ICE1: variants seen among roughly 807,000 people sequenced by gnomAD.
ICE1 encodes the protein interactor of little elongation complex ELL subunit 1.
A neutral mutation model predicts 192.7 loss-of-function variants in ICE1; 64 were observed. The ratio of observed to expected loss-of-function variants is 0.33; its 90% CI spans 0.27 to 0.41. The LOEUF (loss-of-function observed/expected upper bound fraction) is 0.41, where lower values mean the gene tolerates loss of function less well. ICE1 is among the 10% of genes least tolerant of loss of function. The pLI is 1.00. For missense variants in ICE1, 2,708 were observed against 2,696.0 expected, an observed-to-expected ratio of 1.00 and a Z score of -0.10; for synonymous variants, 1,010 against 984.5, an observed-to-expected ratio of 1.03 and a Z score of -0.49.
At chr5:5,466,624 C>CCAAT in intron 14 of ICE1, 122 bp downstream of exon 14, 1 of 854,848 alleles carries the variant, frequency 1.2e-6, no homozygotes, top group Non-Finnish European at 1.8e-6. Flanking sequence ...ATGTTTTGTC[C>CCAAT]ATTGAATAGC....
At chr5:5,431,558 G>GA (rs1737711492) in intron 1 of ICE1, among the ~76,000 whole-genome samples, 1 of 152,178 alleles carries the variant, frequency 6.6e-6, no homozygotes, top group Non-Finnish European at 1.5e-5. Flanking sequence ...TTTTATCTTG[G>GA]AATTACTTGC....
At chr5:5,437,397 A>G in intron 3 of ICE1, 1 of 287,756 alleles carries the variant, frequency 3.5e-6, no homozygotes, top group Non-Finnish European at 6.5e-6. Flanking sequence ...TGTACTGAGG[A>G]TGTGGCATGT....
intron 15 of ICE1, among the ~76,000 whole-genome samples, chr5:5,470,958 A>G (rs962170037): frequency 6.6e-6 from 1 of 152,200 alleles, no homozygotes; most frequent in African/African-American, 2.4e-5. Context: ...TTAGTTGTTT[A>G]GCAGAAAATA....
At chr5:5,457,188 G>A (rs1346564437) in intron 11 of ICE1, 144 bp from the exon 12 acceptor site, 38 of 699,438 alleles carry the variant, frequency 5.4e-5, no homozygotes, top group Non-Finnish European at 7.9e-5. Flanking sequence ...TTTAGAAAGC[G>A]ATTGGTTGCC....
chr5:5,424,693 A>C (rs1192527807), intron 1 of ICE1, among the ~76,000 whole-genome samples: 1 of 152,224 alleles, frequency 6.6e-6, no homozygotes, highest in Non-Finnish European at 1.5e-5. Context: ...GTTGGAATTT[A>C]AGTAGGGAGT....
intron 15 of ICE1, among the ~76,000 whole-genome samples, chr5:5,471,932 G>A (rs774612340): frequency 2.0e-5 from 3 of 151,932 alleles, no homozygotes; most frequent in Non-Finnish European, 2.9e-5. Flanking sequence ...GTGACTTCCT[G>A]GTTTAAATTA....
chr5:5,476,368 G>A (rs188531499), intron 17 of ICE1, among the ~76,000 whole-genome samples: 12 of 152,116 alleles, frequency 7.9e-5, no homozygotes, highest in East Asian at 7.7e-4. Flanking sequence ...TATATAAGTC[G>A]CTATAAATTA....
chr5:5,458,550 CA>C (rs1652311074), intron 12 of ICE1, among the ~76,000 whole-genome samples: 1 of 152,188 alleles, frequency 6.6e-6, no homozygotes, highest in Admixed American at 6.5e-5. Context: ...TCTGAAGATT[CA>C]ATCCCCACAC....
chr5:5,473,644 A>C lies in ICE1; in HGVS notation c.6309A>C (p.Glu2103Asp). ...LCPKTEFQPS[E>D]KFGEDLSDNT... is the part of the protein sequence containing the mutation. ...CAAAAACAGAATTTCAACCTAGTGA[A>C]AAATTTGGTGAAGACCTAAGTGATA... Residue 2103 changes from glutamate to aspartate, a missense_variant, in exon 16 of 19, where the codon GAA becomes GAC. Glu to Asp is a conservative substitution (Grantham distance 45, BLOSUM62 2). Coordinates refer to ENST00000296564, the MANE Select transcript of ICE1 (RefSeq NM_015325.3). 6.2e-7 allele frequency: 1 copy of C among 1,613,614 alleles called. No individual in the cohort carries two copies.
intron 5 of ICE1, among the ~76,000 whole-genome samples, chr5:5,442,819 A>G (rs1021518371): frequency 6.6e-6 from 1 of 152,184 alleles, no homozygotes; most frequent in Non-Finnish European, 1.5e-5. Context: ...TTCCCTAGCA[A>G]TACCGTTAGC....
intron 1 of ICE1, among the ~76,000 whole-genome samples, chr5:5,426,532 T>C (rs911215396): frequency 5.9e-5 from 9 of 151,454 alleles, no homozygotes; most frequent in African/African-American, 2.2e-4. Flanking sequence ...CTTAAAGGAA[T>C]CTTTGAAACC....
intron 7 of ICE1, among the ~76,000 whole-genome samples, chr5:5,444,624 A>G (rs922254314): frequency 1.3e-5 from 2 of 152,224 alleles, no homozygotes; most frequent in African/African-American, 4.8e-5. Flanking sequence ...TTTAATTTGG[A>G]AAGTTGAATC....
chr5:5,436,606 T>C, intron 2 of ICE1, 130 bp downstream of exon 2: 1 of 480,548 alleles, frequency 2.1e-6, no homozygotes. Context: ...TGCATGGTAC[T>C]GATTATAATT....
intron 6 of ICE1, among the ~76,000 whole-genome samples, chr5:5,443,667 A>G: frequency 6.6e-6 from 1 of 152,210 alleles, no homozygotes; most frequent in Non-Finnish European, 1.5e-5. Context: ...AACCGATAGC[A>G]TGTGGAATGG....
intron 11 of ICE1, among the ~76,000 whole-genome samples, chr5:5,455,435 C>A (rs1738556243): frequency 6.6e-6 from 1 of 152,186 alleles, no homozygotes; most frequent in Non-Finnish European, 1.5e-5. Flanking sequence ...CACCTCAGTT[C>A]ATAATTTATC....
intron 7 of ICE1, among the ~76,000 whole-genome samples, 183 bp from the exon 8 acceptor site, chr5:5,447,244 A>G (rs1738256084): frequency 6.6e-6 from 1 of 152,226 alleles, no homozygotes; most frequent in African/African-American, 2.4e-5. Flanking sequence ...TAAAGAAAAA[A>G]GTACATTGCA....
intron 1 of ICE1, among the ~76,000 whole-genome samples, chr5:5,434,692 G>A (rs577274409): frequency 9.9e-5 from 15 of 152,280 alleles, no homozygotes; most frequent in East Asian, 3.9e-4. Flanking sequence ...TCAGGAATGC[G>A]TAGAGGAAAA....
chr5:5,449,647 A>G (rs901235371), intron 10 of ICE1, among the ~76,000 whole-genome samples: 51 of 152,198 alleles, frequency 3.4e-4, no homozygotes, highest in Admixed American at 1.3e-3. Context: ...CAAATCAGAG[A>G]TGGCAGGGAG....
intron 7 of ICE1, among the ~76,000 whole-genome samples, chr5:5,445,998 C>T (rs752903740): frequency 9.3e-5 from 14 of 150,902 alleles, no homozygotes; most frequent in South Asian, 6.3e-4. Flanking sequence ...GGATTACAGG[C>T]GTGAGTCACC....
Sources: gnomAD v4.1 joint callset for allele counts (sites outside exome capture counted in the v4.1 genomes callset) on GRCh38, gnomAD v4.1.1 for gene constraint, MANE v1.5 for transcripts, NCBI Gene and HGNC (gene_info 2026-07-23, HGNC 2026-07-21) for gene names.